The following SV2C variants were observed in gnomAD, a reference collection of about 807,000 sequenced individuals.
The protein encoded by SV2C is synaptic vesicle glycoprotein 2C, also known as solute carrier family 22 member B3.
SV2C carries 49 observed loss-of-function variants against 79.7 expected under a neutral mutation model. The observed-to-expected ratio is 0.61, with a 90% confidence interval of 0.49 to 0.78. The LOEUF (loss-of-function observed/expected upper bound fraction) is 0.78, where lower values mean the gene tolerates loss of function less well. Ranked by LOEUF, SV2C falls within the 30% of genes least tolerant of loss-of-function variation. SV2C has a pLI of 0.00. For synonymous variants in SV2C, 334 were observed against 333.2 expected, an observed-to-expected ratio of 1.00 and a Z score of -0.03; for missense variants, 833 against 912.9, an observed-to-expected ratio of 0.91 and a Z score of 1.13.
rs1486970153 is a variant in SV2C at position 76,327,838 on chromosome 5, TGAAC to T, written c.*2292_*2295del. 1 of 152,220 alleles carries T rather than the reference TGAAC, an allele frequency of 6.6e-6. No individual in the cohort carries two copies. The highest frequency in any genetic ancestry group is 1.5e-5 in the Non-Finnish European group (1 of 68,042). 9.4% of individuals were successfully genotyped at this position (152,220 alleles called of 1,614,324 possible). A position where few individuals can be genotyped will look rare whatever the true frequency, so the allele number is the denominator to read the frequency against. On this transcript the variant is annotated 3_prime_UTR_variant, in exon 13 of 13. Coordinates refer to ENST00000502798, the MANE Select transcript of SV2C (RefSeq NM_014979.4). ...GAGCACAGTTATTCAGAATTTTATT[TGAAC>T]ACTGGGTTGGGTCAGCATAGGATAA...
chr5:76,039,622 G>A, the SV2C span, among the ~76,000 whole-genome samples: 1 of 152,010 alleles, frequency 6.6e-6, no homozygotes, highest in Admixed American at 6.6e-5. Context: ...CGGGCATGGT[G>A]GTAGGCACCT....
chr5:75,967,110 G>A, the SV2C span, among the ~76,000 whole-genome samples: 1 of 152,146 alleles, frequency 6.6e-6, no homozygotes, highest in East Asian at 1.9e-4. Context: ...GAAGTAAGAG[G>A]ATTGCTTGGG....
chr5:76,298,762 G>T (rs776315074), intron 9 of SV2C, 32 bp from the exon 10 acceptor site: 2 of 1,609,208 alleles, frequency 1.2e-6, no homozygotes, highest in Admixed American at 3.3e-5. Flanking sequence ...CACAGTCATT[G>T]ATTGATATGA....
chr5:75,979,516 A>T, the SV2C span, among the ~76,000 whole-genome samples: 1 of 104,380 alleles, frequency 9.6e-6, no homozygotes, highest in Non-Finnish European at 2.7e-5. Context: ...AACTGAAGTC[A>T]TAGCAAACGG....
Position 76,167,250 on chromosome 5 carries a change from G to A in SV2C, c.581-27669G>A, listed in dbSNP as rs1743073652. Among the ~76,000 whole-genome samples, 3 of 152,094 alleles carry A rather than the reference G, an allele frequency of 2.0e-5. No homozygotes were observed. In the South Asian group the frequency reaches 6.2e-4, roughly 31 times the overall value. On this transcript the variant is annotated intron_variant, in intron 2 of 12. Transcript: ENST00000502798. ...ACTAATTTCTATTCCTTGTTCTATT[G>A]ACAAATTAACTTTGGGACATAGTAA...
At chr5:76,095,420 T>TA (rs1747523336) in intron 1 of SV2C, among the ~76,000 whole-genome samples, 2 of 152,138 alleles carry the variant, frequency 1.3e-5, no homozygotes, top group East Asian at 3.8e-4. Context: ...TGTGCTGCCT[T>TA]TAAAAAGAAA....
the SV2C span, among the ~76,000 whole-genome samples, chr5:75,973,053 G>A: frequency 6.9e-4 from 105 of 151,960 alleles, no homozygotes; most frequent in Non-Finnish European, 1.2e-3. Flanking sequence ...GGAAACCATC[G>A]TTCTCAGCAA....
At chr5:76,350,005 G>A (rs1749618133) in intron 12 of SV2C, among the ~76,000 whole-genome samples, 1 of 152,198 alleles carries the variant, frequency 6.6e-6, no homozygotes, top group Non-Finnish European at 1.5e-5. Context: ...AGCATTGCAA[G>A]CGCCTTAGCT....
upstream of SV2C, chr5:76,078,781 C>A: frequency 1.7e-6 from 1 of 584,910 alleles, no homozygotes; most frequent in Non-Finnish European, 3.4e-6. Flanking sequence ...GCAGAGTCTG[C>A]ACACCTGGCA....
At chr5:76,014,940 C>G in the SV2C span, among the ~76,000 whole-genome samples, 2 of 152,096 alleles carry the variant, frequency 1.3e-5, no homozygotes, top group African/African-American at 4.8e-5. Context: ...AGTTAAGGGA[C>G]CACAGTTAAA....
the SV2C span, among the ~76,000 whole-genome samples, chr5:75,912,221 A>G: frequency 6.6e-6 from 1 of 152,236 alleles, no homozygotes; most frequent in Non-Finnish European, 1.5e-5. Flanking sequence ...ATAAGCACAC[A>G]TACTCAGAGA....
chr5:75,944,874 G>A, the SV2C span, among the ~76,000 whole-genome samples: 1 of 152,026 alleles, frequency 6.6e-6, no homozygotes, highest in African/African-American at 2.4e-5. Flanking sequence ...ACCATTTGGT[G>A]CAGGCACCTA....
chr5:75,912,291 C>G, the SV2C span, among the ~76,000 whole-genome samples: 4 of 152,028 alleles, frequency 2.6e-5, no homozygotes. Context: ...GCCAGAAGAA[C>G]GCATTTTCAG....
the SV2C span, among the ~76,000 whole-genome samples, chr5:75,941,976 A>C: frequency 2.6e-4 from 40 of 152,342 alleles, no homozygotes; most frequent in Non-Finnish European, 5.1e-4. Flanking sequence ...CTTAGCCTAT[A>C]GTATTAGCTC....
intron 2 of SV2C, among the ~76,000 whole-genome samples, chr5:76,174,879 G>T (rs1347391494): frequency 1.3e-5 from 2 of 152,228 alleles, no homozygotes; most frequent in Non-Finnish European, 2.9e-5. Flanking sequence ...CCTGCTTCAT[G>T]CCCTCTTGGC....
intron 2 of SV2C, among the ~76,000 whole-genome samples, chr5:76,145,366 A>C (rs1450451215): frequency 1.3e-5 from 2 of 152,212 alleles, no homozygotes; most frequent in Non-Finnish European, 2.9e-5. Context: ...CATTTGTGGA[A>C]TATTTCTGTA....
chr5:76,249,008 G>A (rs1746032173), intron 4 of SV2C, among the ~76,000 whole-genome samples: 1 of 152,320 alleles, frequency 6.6e-6, no homozygotes, highest in Non-Finnish European at 1.5e-5. Flanking sequence ...TAGGAGGAGT[G>A]TGGTGATGCT....
chr5:76,214,228 TC>T (rs1294395557), intron 4 of SV2C, among the ~76,000 whole-genome samples: 1 of 152,210 alleles, frequency 6.6e-6, no homozygotes, highest in African/African-American at 2.4e-5. Context: ...AAAAGGAGGT[TC>T]CAATTTCATT....
the SV2C span, among the ~76,000 whole-genome samples, chr5:75,903,381 A>ATTTTTTT: frequency 7.0e-6 from 1 of 142,706 alleles, no homozygotes; most frequent in Admixed American, 6.7e-5. Context: ...TTTTTTTTAA[A>ATTTTTTT]AAAAAAAGAA....
Sources: allele counts gnomAD v4.1 joint callset (sites outside exome capture counted in the v4.1 genomes callset), GRCh38; gene constraint gnomAD v4.1.1; transcripts MANE v1.5; gene names NCBI Gene and HGNC (gene_info 2026-07-23, HGNC 2026-07-21).